PTPRM: variants seen among roughly 807,000 people sequenced by gnomAD.
The protein encoded by PTPRM is protein tyrosine phosphatase receptor type M.
PTPRM carries 47 observed loss-of-function variants against 186.7 expected under a neutral mutation model. That is an observed-to-expected ratio of 0.25 (90% CI 0.20 to 0.32). The LOEUF (loss-of-function observed/expected upper bound fraction) is 0.32, where lower values mean the gene tolerates loss of function less well. Ranked by LOEUF, PTPRM falls within the 10% of genes least tolerant of loss-of-function variation. The pLI is 1.00. For synonymous variants in PTPRM, 668 were observed against 674.9 expected, an observed-to-expected ratio of 0.99 and a Z score of 0.16; for missense variants, 1,494 against 1,865.0, an observed-to-expected ratio of 0.80 and a Z score of 3.66.
intron 2 of PTPRM, among the ~76,000 whole-genome samples, chr18:7,851,068 A>G (rs1252100638): frequency 6.6e-6 from 1 of 152,242 alleles, no homozygotes; most frequent in Non-Finnish European, 1.5e-5. Context: ...ATGAAAATCT[A>G]TGTTAAAACC....
chr18:7,742,163 T>C (rs1317524577), intron 1 of PTPRM, among the ~76,000 whole-genome samples: 1 of 152,196 alleles, frequency 6.6e-6, no homozygotes, highest in African/African-American at 2.4e-5. Context: ...TGTAAGAAAT[T>C]CTATGTAGAA....
chr18:7,941,213 T>C (rs2052151073), intron 5 of PTPRM, among the ~76,000 whole-genome samples: 1 of 152,166 alleles, frequency 6.6e-6, no homozygotes, highest in Non-Finnish European at 1.5e-5. Context: ...CCAGGGGATT[T>C]ATTCACTGTC....
chr18:7,955,165 G>T lies in PTPRM; in HGVS notation c.883G>T (p.Ala295Ser). ...IAPPQLASVG[A>S]TYLWIQLNAN... Reference sequence around the variant, plus strand: ...CCCACCTCAGCTCGCCTCTGTAGGAGCCACCTACCTGTGGATACAGCTCAA... The same window carrying T: ...CCCACCTCAGCTCGCCTCTGTAGGATCCACCTACCTGTGGATACAGCTCAA... The change falls in exon 7 of 33, where the codon GCC becomes TCC. Residue 295 changes from alanine to serine, a missense_variant. Around this residue, in one of 3 missense-constraint regions of PTPRM, gnomAD observed 91 missense variants for 169.3 expected, o/e 0.54. Coordinates refer to ENST00000580170, the MANE Select transcript of PTPRM (RefSeq NM_001105244.2). 2.5e-6 allele frequency: 4 copies of T among 1,613,746 alleles called. No homozygotes were observed. Among genetic ancestry groups the T allele is most frequent in the Non-Finnish European group, 3.4e-6 (4 of 1,179,652 alleles).
intron 20 of PTPRM, among the ~76,000 whole-genome samples, chr18:8,314,468 C>G (rs2095293433): frequency 6.6e-6 from 1 of 152,152 alleles, no homozygotes; most frequent in African/African-American, 2.4e-5. Flanking sequence ...GCTCAAACTT[C>G]CAGTCCAAGA....
chr18:7,768,910 T>C (rs1182333932), intron 1 of PTPRM, among the ~76,000 whole-genome samples: 1 of 152,028 alleles, frequency 6.6e-6, no homozygotes, highest in Non-Finnish European at 1.5e-5. Flanking sequence ...CCTCCCAGAG[T>C]GCTGGGATTA....
intron 11 of PTPRM, among the ~76,000 whole-genome samples, chr18:8,093,123 G>GTT (rs1195729789): frequency 6.8e-6 from 1 of 147,660 alleles, no homozygotes. Flanking sequence ...CATAAAGCAT[G>GTT]TTTTTTTTTT....
At chr18:7,796,542 A>C (rs1185438176) in intron 2 of PTPRM, among the ~76,000 whole-genome samples, 1 of 152,178 alleles carries the variant, frequency 6.6e-6, no homozygotes, top group Non-Finnish European at 1.5e-5. Context: ...AGGGTACAGC[A>C]GTGTCACCCA....
At chr18:7,659,118 A>ACT (rs1491182859) in intron 1 of PTPRM, among the ~76,000 whole-genome samples, 1 of 56,044 alleles carries the variant, frequency 1.8e-5, no homozygotes, top group Non-Finnish European at 2.9e-5. Flanking sequence ...ACATGTATGT[A>ACT]CACACACACA....
At chr18:8,405,978 T>C (rs1376564555) in intron 32 of PTPRM, 131 bp from the exon 33 acceptor site, 78 of 832,556 alleles carry the variant, frequency 9.4e-5, no homozygotes, top group Non-Finnish European at 1.5e-4. Flanking sequence ...ACCGTGACTT[T>C]CTGATTCATT....
At position 7,835,188 on chromosome 18, in the gene PTPRM, CTT is replaced by C. The variant is rs58193493; in HGVS notation, c.197-52904_197-52903del. Among the ~76,000 whole-genome samples, 886 of 127,532 alleles carry C rather than the reference CTT, an allele frequency of 6.9e-3. 16 individuals are homozygous for C. Among genetic ancestry groups the C allele is most frequent in the East Asian group, 0.068 (304 of 4,462 alleles). 83.7% of individuals were successfully genotyped at this position (127,532 alleles called of 152,430 possible). On this transcript the variant is annotated intron_variant, in intron 2 of 32. Coordinates refer to ENST00000580170, the MANE Select transcript of PTPRM (RefSeq NM_001105244.2). ...TTTAAATTATTCGTTTGACATTTTT[CTT>C]TTTTTTTTTTTTTGTTGTAGGCACT...
At chr18:8,208,123 T>C (rs986076579) in intron 14 of PTPRM, among the ~76,000 whole-genome samples, 3 of 152,240 alleles carry the variant, frequency 2.0e-5, no homozygotes, top group African/African-American at 7.2e-5. Context: ...AACCGTAAGC[T>C]GAGCTCTTTC....
intron 7 of PTPRM, among the ~76,000 whole-genome samples, chr18:8,045,293 A>G (rs547406473): frequency 2.9e-4 from 44 of 152,328 alleles, no homozygotes; most frequent in African/African-American, 1.1e-3. Context: ...GGTTGCAGTC[A>G]GCTGTGATCG....
chr18:8,110,440 G>C (rs1242945046), intron 11 of PTPRM, among the ~76,000 whole-genome samples: 2 of 152,270 alleles, frequency 1.3e-5, no homozygotes, highest in South Asian at 4.1e-4. Context: ...TGGCAAACTT[G>C]AGTCCAGGCC....
chr18:7,965,944 T>C (rs1324085457), intron 7 of PTPRM, among the ~76,000 whole-genome samples: 1 of 152,216 alleles, frequency 6.6e-6, no homozygotes, highest in African/African-American at 2.4e-5. Flanking sequence ...ATAATGCTGC[T>C]TGTGCTTTTA....
At chr18:8,192,072 A>C (rs2093717747) in intron 14 of PTPRM, among the ~76,000 whole-genome samples, 1 of 151,840 alleles carries the variant, frequency 6.6e-6, no homozygotes, top group South Asian at 2.1e-4. Context: ...CTTATTTTAC[A>C]TATAGTAGGA....
intron 1 of PTPRM, among the ~76,000 whole-genome samples, chr18:7,771,722 G>C (rs2042277294): frequency 6.6e-6 from 1 of 152,154 alleles, no homozygotes; most frequent in Non-Finnish European, 1.5e-5. Context: ...GAGGCTCCTT[G>C]ATGCTATCCT....
At chr18:8,115,554 C>T (rs139773998) in intron 13 of PTPRM, among the ~76,000 whole-genome samples, 7 of 152,176 alleles carry the variant, frequency 4.6e-5, no homozygotes, top group African/African-American at 1.4e-4. Flanking sequence ...TTTAAAATGT[C>T]GTCTTAAAAT....
At chr18:7,613,323 C>T (rs1249603937) in intron 1 of PTPRM, among the ~76,000 whole-genome samples, 1 of 152,144 alleles carries the variant, frequency 6.6e-6, no homozygotes, top group African/African-American at 2.4e-5. Context: ...GTCATGTTCC[C>T]CTTTTTCATA....
intron 1 of PTPRM, among the ~76,000 whole-genome samples, chr18:7,711,193 AG>A (rs1020202073): frequency 3.9e-5 from 6 of 152,118 alleles, no homozygotes; most frequent in Non-Finnish European, 7.4e-5. Flanking sequence ...AAGCAGAAAC[AG>A]GGTGGGGCAT....
Sources: gnomAD v4.1 joint callset for allele counts (sites outside exome capture counted in the v4.1 genomes callset) on GRCh38, gnomAD v4.1.1 for gene constraint, gnomAD v4.1.1 regional missense constraint, MANE v1.5 for transcripts, NCBI Gene and HGNC (gene_info 2026-07-23, HGNC 2026-07-21) for gene names.